Variants in TMEM87B observed in about 807,000 individuals in gnomAD.
The protein encoded by TMEM87B is transmembrane protein 87B.
Under a neutral mutation model 80.3 loss-of-function variants are expected in TMEM87B, and 83 were observed. The ratio of observed to expected loss-of-function variants is 1.03; its 90% CI spans 0.87 to 1.24. TMEM87B has a LOEUF of 1.24. TMEM87B is among the 50% of genes most tolerant of loss of function. The pLI is 0.00. For synonymous variants in TMEM87B, 219 were observed against 230.5 expected, an observed-to-expected ratio of 0.95 and a Z score of 0.45; for missense variants, 625 against 674.4, an observed-to-expected ratio of 0.93 and a Z score of 0.81.
At chr2:112,073,130 C>G (rs1678708436) in intron 4 of TMEM87B, among the ~76,000 whole-genome samples, 1 of 151,950 alleles carries the variant, frequency 6.6e-6, no homozygotes, top group Non-Finnish European at 1.5e-5. Context: ...GAACTCGTGA[C>G]CTCAGATGAT....
intron 11 of TMEM87B, among the ~76,000 whole-genome samples, chr2:112,093,103 C>T (rs1193885233): frequency 6.6e-6 from 1 of 152,150 alleles, no homozygotes; most frequent in Admixed American, 6.5e-5. Flanking sequence ...GGCCAGAGGG[C>T]TTGGATCTCA....
At chr2:112,067,475 C>T (rs953689509) in intron 4 of TMEM87B, among the ~76,000 whole-genome samples, 7 of 151,924 alleles carry the variant, frequency 4.6e-5, no homozygotes, top group African/African-American at 7.3e-5. Context: ...GGCATGTGCC[C>T]GTAGTCCCAG....
intron 8 of TMEM87B, among the ~76,000 whole-genome samples, chr2:112,083,264 T>C (rs1014335397): frequency 2.6e-5 from 4 of 152,254 alleles, no homozygotes; most frequent in Admixed American, 6.5e-5. Context: ...TTGTGACTTC[T>C]TGTGGACAAG....
chr2:112,092,825 G>A (rs536185967), intron 11 of TMEM87B, among the ~76,000 whole-genome samples: 44 of 152,156 alleles, frequency 2.9e-4, no homozygotes, highest in Non-Finnish European at 5.6e-4. Flanking sequence ...GGGCACTTGT[G>A]GAAATGGGAG....
At chr2:112,099,038 G>A (rs919736131) in intron 14 of TMEM87B, among the ~76,000 whole-genome samples, 6 of 152,262 alleles carry the variant, frequency 3.9e-5, no homozygotes, top group Admixed American at 2.6e-4. Flanking sequence ...AGTGAGACAT[G>A]CAGTTTGGTT....
Position 112,098,689 on chromosome 2 carries a change from A to T in TMEM87B, c.1367A>T (p.Asn456Ile). 1 of 1,613,992 alleles carries T rather than the reference A, an allele frequency of 6.2e-7. No homozygotes were observed. The highest frequency in any genetic ancestry group is 8.5e-7 in the Non-Finnish European group (1 of 1,179,922). Residue 456 changes from asparagine to isoleucine, a missense_variant, in exon 14 of 19, where the codon AAC becomes ATC. Coordinates refer to ENST00000283206, the MANE Select transcript of TMEM87B (RefSeq NM_032824.3). ...VIMFLWRPSANNQRYAFMPLI... is the reference protein window; with the variant it reads ...VIMFLWRPSAINQRYAFMPLI... ...ATGTTTTTGTGGAGACCATCAGCAA[A>T]CAATCAGAGGTACCTAACATAGGAA...
At position 112,071,387 on chromosome 2, in the gene TMEM87B, C is replaced by T. The variant is rs374380391; in HGVS notation, c.451-3525C>T. Among the ~76,000 whole-genome samples the T allele has an allele frequency of 1.2e-4, 18 of 150,982 alleles. 1 individual carries two copies. Among genetic ancestry groups the T allele is most frequent in the East Asian group, 5.9e-4 (3 of 5,078 alleles). On this transcript the variant is annotated intron_variant, in intron 4 of 18. Coordinates refer to ENST00000283206, the MANE Select transcript of TMEM87B (RefSeq NM_032824.3). ...CGCAGTCTCTGCTCACTGCAACCTC[C>T]GCCTCCTAGGTTCAAGCAATTCTCC...
Position 112,062,426 on chromosome 2 carries a change from A to G in TMEM87B, c.227-1736A>G, listed in dbSNP as rs143745666. Among the ~76,000 whole-genome samples, 477 of 152,368 alleles carry G rather than the reference A, an allele frequency of 3.1e-3. 3 individuals are homozygous for G. The highest frequency in any genetic ancestry group is 0.011 in the African/African-American group (448 of 41,582). ...AGAAAGAGCATTTGAAAAAAATTCA[A>G]CACCCATTCATGATAGAAACTCAAA... On this transcript the variant is annotated intron_variant, in intron 2 of 18. Coordinates refer to ENST00000283206, the MANE Select transcript of TMEM87B (RefSeq NM_032824.3).
intron 4 of TMEM87B, among the ~76,000 whole-genome samples, chr2:112,072,669 A>G (rs1395276377): frequency 1.3e-5 from 2 of 151,770 alleles, no homozygotes; most frequent in African/African-American, 4.8e-5. Context: ...TTTCTTCTTT[A>G]TTAACCTACC....
rs527937251 is a variant in TMEM87B, at chr2:112,067,705, A to T, written c.450+638A>T. On this transcript the variant is annotated intron_variant, in intron 4 of 18. Transcript: ENST00000283206. Reference sequence around the variant, plus strand: ...ATCTGCTACCTCCAATTTATCTCTCACTCTTCCTTCTGTCAACTGCAGTCA... The same window carrying T: ...ATCTGCTACCTCCAATTTATCTCTCTCTCTTCCTTCTGTCAACTGCAGTCA... 2.6e-5 allele frequency among the ~76,000 whole-genome samples: 4 copies of T among 152,064 alleles called. No homozygotes were observed. The East Asian group carries it at 7.7e-4, about 29-fold the overall frequency.
rs181925909 is a variant in TMEM87B, at chr2:112,096,835, C to T, written c.1105-209C>T. 5.9e-5 allele frequency among the ~76,000 whole-genome samples: 9 copies of T among 152,280 alleles called. No individual in the cohort carries two copies. In the East Asian group the frequency reaches 1.5e-3, roughly 26 times the overall value. On this transcript the variant is annotated intron_variant, in intron 11 of 18. Transcript: ENST00000283206. ...TTCCTTGGAGTTTGTTTTCTTAGTT[C>T]AGACAATGGTAAATTGTAAAAGAAA...
Position 112,055,517 on chromosome 2 carries a change from C to G in TMEM87B, c.-75C>G. The stretch of plus-strand genomic sequence containing the variant: ...CCCCGCGTCCCGGATTCGGACCCGC[C>G]TGCCTGGGGCGGTGCTGCACCAGGT... On this transcript the variant is annotated 5_prime_UTR_variant, in exon 1 of 19. Transcript: ENST00000283206. The G allele has an allele frequency of 2.2e-6, 3 of 1,388,888 alleles. No individual in the cohort carries two copies. Among genetic ancestry groups the G allele is most frequent in the Non-Finnish European group, 2.8e-6 (3 of 1,072,922 alleles). The allele number at this position is 1,388,888 out of a possible 1,614,324, so 86.0% of individuals were successfully genotyped here.
At chr2:112,101,949 T>G (rs2104499868) in intron 15 of TMEM87B, among the ~76,000 whole-genome samples, 1 of 152,332 alleles carries the variant, frequency 6.6e-6, no homozygotes, top group South Asian at 2.1e-4. Context: ...CCAATTTTAA[T>G]TCTAACCCTG....
At chr2:112,102,162 A>G (rs1679647169) in intron 15 of TMEM87B, among the ~76,000 whole-genome samples, 1 of 152,250 alleles carries the variant, frequency 6.6e-6, no homozygotes, top group South Asian at 2.1e-4. Flanking sequence ...AGGCCAGTAC[A>G]ATTGAAATGC....
intron 1 of TMEM87B, among the ~76,000 whole-genome samples, chr2:112,059,326 C>T (rs752023485): frequency 1.3e-4 from 19 of 151,624 alleles, no homozygotes; most frequent in Non-Finnish European, 2.4e-4. Context: ...AGGGCCTGGC[C>T]GGATATGGGC....
chr2:112,111,876 A>G (rs1679926869), intron 17 of TMEM87B, among the ~76,000 whole-genome samples: 1 of 152,192 alleles, frequency 6.6e-6, no homozygotes, highest in Non-Finnish European at 1.5e-5. Context: ...ATCGTTCTTA[A>G]TAAGTTTTAA....
chr2:112,064,292 G>T, intron 3 of TMEM87B, 39 bp downstream of exon 3: 1 of 1,554,000 alleles, frequency 6.4e-7, no homozygotes, highest in Non-Finnish European at 8.9e-7. Context: ...ATAAAGCTAT[G>T]AAGGAAAATT....
intron 4 of TMEM87B, among the ~76,000 whole-genome samples, chr2:112,068,652 C>T (rs774040012): frequency 2.6e-5 from 4 of 151,872 alleles, no homozygotes; most frequent in African/African-American, 7.2e-5. Flanking sequence ...TGCAGTGAGC[C>T]GAGATCATGC....
chr2:112,106,075 T>C lies in TMEM87B; in HGVS notation c.1524T>C (p.Phe508=), dbSNP rs754253658. The C allele has an allele frequency of 1.9e-6, 3 of 1,553,492 alleles. No homozygotes were observed. Among genetic ancestry groups the C allele is most frequent in the Non-Finnish European group, 2.6e-6 (3 of 1,155,582 alleles). Residue 508 remains phenylalanine, a splice_region_variant and synonymous_variant, in exon 16 of 19, where the codon TTT becomes TTC. Transcript: ENST00000283206. ...GTAKPATSEN[F]DEDLKWVEEN... is the part of the protein sequence containing the mutation. ...CTAAGCCTGCCACTTCTGAGAACTT[T>C]GTGAGTATGGTATATATTTAGTACA...
Sources: gnomAD v4.1 joint callset for allele counts (sites outside exome capture counted in the v4.1 genomes callset) on GRCh38, gnomAD v4.1.1 for gene constraint, MANE v1.5 for transcripts, NCBI Gene and HGNC (gene_info 2026-07-23, HGNC 2026-07-21) for gene names.